Variants in DCLRE1C observed in about 807,000 individuals in gnomAD.
The protein encoded by DCLRE1C is protein artemis.
In DCLRE1C, 47 loss-of-function variants were observed where a neutral mutation model predicts 61.4. That is an observed-to-expected ratio of 0.77 (90% CI 0.61 to 0.98). The LOEUF (loss-of-function observed/expected upper bound fraction) is 0.98. Ranked by LOEUF, DCLRE1C falls within the 50% of genes least tolerant of loss-of-function variation. The probability of loss-of-function intolerance (pLI) is 0.00; values close to 1 mark genes in which losing one functional copy is unlikely to be tolerated. For synonymous variants in DCLRE1C, 337 were observed against 287.6 expected, an observed-to-expected ratio of 1.17 and a Z score of -1.74; for missense variants, 858 against 816.0, an observed-to-expected ratio of 1.05 and a Z score of -0.63.
chr10:14,935,858 G>A (rs1396561772), intron 5 of DCLRE1C, among the ~76,000 whole-genome samples: 3 of 152,160 alleles, frequency 2.0e-5, no homozygotes, highest in South Asian at 2.1e-4. Flanking sequence ...AGAAATACAC[G>A]TGATGATAAA....
At chr10:14,928,717 G>A (rs1458014723) in intron 9 of DCLRE1C, among the ~76,000 whole-genome samples, 1 of 151,846 alleles carries the variant, frequency 6.6e-6, no homozygotes, top group Non-Finnish European at 1.5e-5. Context: ...TTGGTTATAA[G>A]TACAGAGACA....
chr10:14,912,454 A>T (rs1346813967), intron 13 of DCLRE1C, among the ~76,000 whole-genome samples: 1 of 152,260 alleles, frequency 6.6e-6, no homozygotes, highest in Non-Finnish European at 1.5e-5. Context: ...AAAACCCAAC[A>T]GAAAGATACG....
chr10:14,928,253 A>G lies in DCLRE1C; in HGVS notation c.781-101T>C, dbSNP rs559110596. The G allele has an allele frequency of 7.4e-6, 7 of 948,720 alleles. No homozygotes were observed. In the South Asian group the frequency reaches 9.2e-5, roughly 12 times the overall value. The allele number at this position is 948,720 out of a possible 1,614,324, so 58.8% of individuals were successfully genotyped here. A position where few individuals can be genotyped will look rare whatever the true frequency, so the allele number is the denominator to read the frequency against. ...AAAGTAGAAAAGTTTCCAGACACGAAAAAATAAAAAATAAAAAAAAAGCAG... is the reference window on the plus strand; with the variant it reads ...AAAGTAGAAAAGTTTCCAGACACGAGAAAATAAAAAATAAAAAAAAAGCAG... On this transcript the variant is annotated intron_variant, in intron 9 of 13. Transcript: ENST00000378278.
At chr10:14,948,070 A>C (rs1841950341) in intron 2 of DCLRE1C, among the ~76,000 whole-genome samples, 2 of 152,076 alleles carry the variant, frequency 1.3e-5, no homozygotes. Context: ...AAGTAAATAC[A>C]AATAAAGTAA....
intron 3 of DCLRE1C, among the ~76,000 whole-genome samples, chr10:14,940,453 T>C (rs909997361): frequency 6.6e-6 from 1 of 151,952 alleles, no homozygotes; most frequent in African/African-American, 2.4e-5. Context: ...TACGCAAGGC[T>C]GAGTTTTTTG....
chr10:14,919,440 A>T (rs1440413169), intron 13 of DCLRE1C, among the ~76,000 whole-genome samples: 1 of 152,038 alleles, frequency 6.6e-6, no homozygotes, highest in Non-Finnish European at 1.5e-5. Flanking sequence ...AAGGATAACA[A>T]ACCAGCCTCT....
rs1451275369 is a variant in DCLRE1C at position 14,940,280 on chromosome 10, C to CT, written c.247-412_247-411insA. ...GTCTGTGACATGGATGCTTCATACA[C>CT]GGTTCTTTTATTTTTTTTTTTTTTC... On this transcript the variant is annotated intron_variant, in intron 3 of 13. Coordinates refer to ENST00000378278, the MANE Select transcript of DCLRE1C (RefSeq NM_001033855.3). Among the ~76,000 whole-genome samples, 49 of 135,282 alleles carry CT rather than the reference C, an allele frequency of 3.6e-4. No homozygotes were observed. In the South Asian group the frequency reaches 3.6e-3, roughly 10 times the overall value. The allele number at this position is 135,282 out of a possible 152,430, so 88.8% of individuals were successfully genotyped here.
Position 14,927,965 on chromosome 10 carries a change from G to A in DCLRE1C, c.917+51C>T, listed in dbSNP as rs777413918. On this transcript the variant is annotated intron_variant, in intron 10 of 13. Coordinates refer to ENST00000378278, the MANE Select transcript of DCLRE1C (RefSeq NM_001033855.3). ...ACTGTGCTTAAATGAAATTAAATCA[G>A]ACAATTTACTCAAAGTTTCTCTCAG... 6 of 1,588,782 alleles carry A rather than the reference G, an allele frequency of 3.8e-6. No individual in the cohort carries two copies. In the South Asian group the frequency reaches 4.4e-5, roughly 12 times the overall value.
At chr10:14,930,597 T>C (rs182345362) in intron 9 of DCLRE1C, among the ~76,000 whole-genome samples, 2 of 152,130 alleles carry the variant, frequency 1.3e-5, no homozygotes, top group East Asian at 3.9e-4. Flanking sequence ...CATGCCCAGC[T>C]AATTTTTTTA....
chr10:14,935,190 G>A (rs1279792532), intron 6 of DCLRE1C, among the ~76,000 whole-genome samples: 2 of 152,020 alleles, frequency 1.3e-5, no homozygotes, highest in African/African-American at 4.8e-5. Context: ...CAAGAGGCCA[G>A]GCACAGTGGC....
In DCLRE1C at chr10:14,907,709, A is replaced by G. The variant is rs957676806; in HGVS notation, c.*699T>C. Among the ~76,000 whole-genome samples, 1 of 152,046 alleles carries G rather than the reference A, an allele frequency of 6.6e-6. No homozygotes were observed. Among genetic ancestry groups the G allele is most frequent in the African/African-American group, 2.4e-5 (1 of 41,368 alleles). On this transcript the variant is annotated 3_prime_UTR_variant, in exon 14 of 14. Transcript: ENST00000378278. ...CATGGTTTTTCCATCCTTTTAACCTATCAATCACTTGAATTGACTTTCTTT... is the reference window on the plus strand; with the variant it reads ...CATGGTTTTTCCATCCTTTTAACCTGTCAATCACTTGAATTGACTTTCTTT...
intron 13 of DCLRE1C, among the ~76,000 whole-genome samples, chr10:14,917,288 G>T (rs1244540013): frequency 6.6e-6 from 1 of 152,054 alleles, no homozygotes; most frequent in African/African-American, 2.4e-5. Flanking sequence ...ACCTAAAATT[G>T]TAACAACTTC....
At chr10:14,912,947 G>A (rs1179340414) in intron 13 of DCLRE1C, among the ~76,000 whole-genome samples, 13 of 143,942 alleles carry the variant, frequency 9.0e-5, no homozygotes, top group African/African-American at 3.1e-4. Context: ...CTCCCAAAGT[G>A]CTGGGATTAC....
rs896839476 is a variant in DCLRE1C, at chr10:14,906,634, T to C, written c.*1774A>G. Among the ~76,000 whole-genome samples, 1 of 152,212 alleles carries C rather than the reference T, an allele frequency of 6.6e-6. No individual in the cohort carries two copies. Among genetic ancestry groups the C allele is most frequent in the African/African-American group, 2.4e-5 (1 of 41,450 alleles). On this transcript the variant is annotated 3_prime_UTR_variant, in exon 14 of 14. Coordinates refer to ENST00000378278, the MANE Select transcript of DCLRE1C (RefSeq NM_001033855.3). ...GTTAGTCTGGTGGATCCAATACTTT[T>C]TGGTCGGATTGCCATGCAGCATCAT...
chr10:14,920,645 G>C (rs1250013921), intron 12 of DCLRE1C, among the ~76,000 whole-genome samples: 1 of 152,110 alleles, frequency 6.6e-6, no homozygotes, highest in Non-Finnish European at 1.5e-5. Context: ...TCAAAGTAAG[G>C]TTGTCTTCCC....
At chr10:14,944,976 G>T in intron 3 of DCLRE1C, 129 bp downstream of exon 3, 1 of 685,372 alleles carries the variant, frequency 1.5e-6, no homozygotes. Flanking sequence ...TGTCCGGCCA[G>T]AGACTCAATA....
chr10:14,920,553 C>G (rs926940891), intron 12 of DCLRE1C: 2 of 279,756 alleles, frequency 7.1e-6, no homozygotes, highest in Non-Finnish European at 1.1e-5. Context: ...TCTCTGGATC[C>G]ATCCCCTTCA....
intron 3 of DCLRE1C, among the ~76,000 whole-genome samples, chr10:14,943,556 T>G (rs1841210385): frequency 6.6e-6 from 1 of 152,166 alleles, no homozygotes; most frequent in African/African-American, 2.4e-5. Flanking sequence ...TGTCTAACTT[T>G]TTTGTTTGTT....
chr10:14,930,278 CTTTTTTTTTTTTTTTT>C (rs60565089), intron 9 of DCLRE1C, among the ~76,000 whole-genome samples: 1 of 85,706 alleles, frequency 1.2e-5, no homozygotes, highest in Non-Finnish European at 2.2e-5. Flanking sequence ...CACTCAGCAC[CTTTTTTTTTTTTTTTT>C]TTTTTTTTTT....
Sources: allele counts gnomAD v4.1 joint callset (sites outside exome capture counted in the v4.1 genomes callset), GRCh38; gene constraint gnomAD v4.1.1; transcripts MANE v1.5; gene names NCBI Gene and HGNC (gene_info 2026-07-23, HGNC 2026-07-21).